The following NTRK2 variants were observed in gnomAD, a reference collection of about 807,000 sequenced individuals.
The protein encoded by NTRK2 is BDNF/NT-3 growth factors receptor.
NTRK2 carries 13 observed loss-of-function variants against 94.5 expected under a neutral mutation model. The observed-to-expected ratio is 0.14, with a 90% confidence interval of 0.09 to 0.22. The LOEUF (loss-of-function observed/expected upper bound fraction) is 0.22. NTRK2 is among the 10% of genes least tolerant of loss of function. NTRK2 has a pLI of 1.00. For synonymous variants in NTRK2, 372 were observed against 407.4 expected (o/e 0.91, Z 1.05); for missense variants, 639 against 1,071.2 (o/e 0.60, Z 5.63).
intron 2 of NTRK2, among the ~76,000 whole-genome samples, chr9:84,701,721 G>C (rs7035803): frequency 0.012 from 1,897 of 152,266 alleles, 44 homozygotes; most frequent in African/African-American, 0.043. Context: ...AGGTAAAGGA[G>C]GGAGTGGCTG....
chr9:84,727,196 C>A (rs1588193059), intron 8 of NTRK2, among the ~76,000 whole-genome samples: 1 of 151,872 alleles, frequency 6.6e-6, no homozygotes, highest in Non-Finnish European at 1.5e-5. Context: ...GGGCTTCAGG[C>A]AAAATTTTAA....
intron 15 of NTRK2, 23 bp from the exon 16 acceptor site, chr9:84,948,439 T>G: frequency 6.2e-7 from 1 of 1,613,284 alleles, no homozygotes; most frequent in Non-Finnish European, 8.5e-7. Context: ...AAGTAATCCT[T>G]CTCTTTTAAC....
At chr9:84,837,194 G>A (rs564649960) in intron 12 of NTRK2, among the ~76,000 whole-genome samples, 58 of 152,110 alleles carry the variant, frequency 3.8e-4, no homozygotes, top group African/African-American at 1.3e-3. Context: ...GGTAGGTGTT[G>A]TTATTCCTAT....
In NTRK2 at chr9:84,968,742, C is replaced by A. The variant is rs1825849576; in HGVS notation, c.2172+13225C>A. Among the ~76,000 whole-genome samples the A allele has an allele frequency of 2.0e-5, 3 of 152,314 alleles. No individual in the cohort carries two copies. In the East Asian group the frequency reaches 5.8e-4, roughly 29 times the overall value. On this transcript the variant is annotated intron_variant, in intron 17 of 18. Transcript: ENST00000277120. ...CGGCTCTGTCTGCTATGAGTGCTGT[C>A]ATGATGCCACCATGAAAATTGTGAA... is the stretch of plus-strand genomic sequence containing the variant.
chr9:84,982,730 T>C (rs1335914159), intron 17 of NTRK2, among the ~76,000 whole-genome samples: 4 of 152,198 alleles, frequency 2.6e-5, no homozygotes, highest in East Asian at 1.9e-4. Flanking sequence ...ATCCAGTATG[T>C]GGGATGACAA....
intron 12 of NTRK2, among the ~76,000 whole-genome samples, chr9:84,787,298 AAAAC>A (rs543829789): frequency 4.9e-4 from 75 of 151,916 alleles, no homozygotes; most frequent in East Asian, 9.7e-4. Context: ...AACTCCGTCT[AAAAC>A]AAACAAACAA....
At chr9:84,944,409 T>G (rs1355704317) in intron 15 of NTRK2, among the ~76,000 whole-genome samples, 1 of 152,064 alleles carries the variant, frequency 6.6e-6, no homozygotes, top group Non-Finnish European at 1.5e-5. Context: ...ATTACAGGTG[T>G]GAGCCACCAT....
chr9:84,984,869 A>G (rs565534733), intron 17 of NTRK2, among the ~76,000 whole-genome samples: 5 of 152,350 alleles, frequency 3.3e-5, no homozygotes, highest in African/African-American at 1.2e-4. Context: ...TTCATCCTGT[A>G]TCTTCAGCAG....
intron 12 of NTRK2, among the ~76,000 whole-genome samples, chr9:84,766,312 G>A (rs2066019787): frequency 6.6e-6 from 1 of 152,124 alleles, no homozygotes; most frequent in African/African-American, 2.4e-5. Context: ...GGGGGCCTGG[G>A]GAGGAGAGCA....
chr9:85,002,275 G>A (rs1830418974), intron 17 of NTRK2, among the ~76,000 whole-genome samples: 1 of 152,182 alleles, frequency 6.6e-6, no homozygotes, highest in African/African-American at 2.4e-5. Flanking sequence ...CCAAGAGGAT[G>A]ACTATCAGAA....
chr9:84,728,058 G>T, intron 9 of NTRK2, 99 bp downstream of exon 9: 1 of 1,092,876 alleles, frequency 9.2e-7, no homozygotes, highest in Non-Finnish European at 1.4e-6. Flanking sequence ...CAACCTAGTG[G>T]CTTAAAACTC....
chr9:84,975,574 G>A (rs567011985), intron 17 of NTRK2, among the ~76,000 whole-genome samples: 3 of 152,188 alleles, frequency 2.0e-5, no homozygotes, highest in African/African-American at 7.2e-5. Context: ...GATCCCACTT[G>A]CAATGACTTG....
rs1349303529 is a variant in NTRK2 at position 84,870,331 on chromosome 9, G to GTGTGTATATA, written c.1633+2901_1633+2902insGTGTATATAT. Among the ~76,000 whole-genome samples the GTGTGTATATA allele has an allele frequency of 3.7e-3, 116 of 31,152 alleles. 2 individuals carry two copies. Among genetic ancestry groups the GTGTGTATATA allele is most frequent in the Non-Finnish European group, 4.6e-3 (68 of 14,734 alleles). 20.4% of individuals were successfully genotyped at this position (31,152 alleles called of 152,430 possible). A position where few individuals can be genotyped will look rare whatever the true frequency, so the allele number is the denominator to read the frequency against. On this transcript the variant is annotated intron_variant, in intron 14 of 18. Transcript: ENST00000277120. ...ATACATATATGTGGGGTGTGTGTGT[G>GTGTGTATATA]TATATATATATATATATATATATAT...
intron 14 of NTRK2, among the ~76,000 whole-genome samples, chr9:84,868,023 A>G (rs1262916422): frequency 1.3e-5 from 2 of 152,218 alleles, no homozygotes; most frequent in Non-Finnish European, 2.9e-5. Flanking sequence ...AAATTAACCC[A>G]TTAATCTCTG....
At chr9:84,875,008 G>GA in intron 14 of NTRK2, 1 of 1,056,488 alleles carries the variant, frequency 9.5e-7, no homozygotes, top group Non-Finnish European at 1.1e-6. Flanking sequence ...AGATTTAGTA[G>GA]AAAACCTGGA....
Position 85,023,918 on chromosome 9 carries a change from G to A in NTRK2, c.*2481G>A. On this transcript the variant is annotated 3_prime_UTR_variant, in exon 19 of 19. Transcript: ENST00000277120. ...TAAGGGATCAAATTCAAGGAGGAATGTGCAATTTTAGAGCAAAGATTTGTT... is the reference window on the plus strand; with the variant it reads ...TAAGGGATCAAATTCAAGGAGGAATATGCAATTTTAGAGCAAAGATTTGTT... 1 of 229,890 alleles carries A rather than the reference G, an allele frequency of 4.3e-6. No individual in the cohort carries two copies. The allele number at this position is 229,890 out of a possible 1,614,324, so 14.2% of individuals were successfully genotyped here.
chr9:84,889,280 G>A (rs865777917), intron 14 of NTRK2, among the ~76,000 whole-genome samples: 1 of 150,526 alleles, frequency 6.6e-6, no homozygotes, highest in Non-Finnish European at 1.5e-5. Context: ...GTGAGCCACC[G>A]CGCCCGGCCC....
At position 84,707,854 on chromosome 9, in the gene NTRK2, C is replaced by T. The variant is rs1229434307; in HGVS notation, c.370C>T (p.Arg124Ter). 6.2e-7 allele frequency: 1 copy of T among 1,612,326 alleles called. No homozygotes were observed. Among genetic ancestry groups the T allele is most frequent in the Non-Finnish European group, 8.5e-7 (1 of 1,178,836 alleles). Residue 124 changes from arginine (R) to a stop codon, truncating the protein, a stop_gained, in exon 5 of 19, where the codon CGA becomes TGA. Coordinates refer to ENST00000277120, the MANE Select transcript of NTRK2 (RefSeq NM_006180.6). LOFTEE classifies it high-confidence loss of function. ...NSNLQHINFTRNKLTSLSRKH... is the reference protein window; with the variant it reads ...NSNLQHINFT The stretch of plus-strand genomic sequence containing the variant: ...TTTGATTCCTTTCAGCAATTTTACC[C>T]GAAACAAACTGACGAGTTTGTCTAG...
At chr9:84,810,096 C>G (rs1787670478) in intron 12 of NTRK2, among the ~76,000 whole-genome samples, 1 of 152,098 alleles carries the variant, frequency 6.6e-6, no homozygotes, top group Admixed American at 6.6e-5. Context: ...CCCATAAAGA[C>G]AAATATTAGG....
Sources: gnomAD v4.1 joint callset for allele counts (sites outside exome capture counted in the v4.1 genomes callset) on GRCh38, gnomAD v4.1.1 for gene constraint, MANE v1.5 for transcripts, NCBI Gene and HGNC (gene_info 2026-07-23, HGNC 2026-07-21) for gene names.